The following COQ2 variants were observed in gnomAD, a reference collection of about 807,000 sequenced individuals.
COQ2 encodes the protein 4-hydroxybenzoate polyprenyltransferase, mitochondrial.
Under a neutral mutation model 35.7 loss-of-function variants are expected in COQ2, and 25 were observed. The ratio of observed to expected loss-of-function variants is 0.70; its 90% CI spans 0.51 to 0.98. The LOEUF is 0.98. COQ2 is among the 50% of genes least tolerant of loss of function. The probability of loss-of-function intolerance (pLI) is 0.00; values close to 1 mark genes in which losing one functional copy is unlikely to be tolerated. For synonymous variants in COQ2, 206 were observed against 186.2 expected (o/e 1.11, Z -0.86); for missense variants, 488 against 473.5 (o/e 1.03, Z -0.28).
intron 1 of COQ2, chr4:83,281,728 A>G (rs1260016370): frequency 6.6e-6 from 1 of 152,236 alleles, no homozygotes; most frequent in Non-Finnish European, 1.5e-5. Flanking sequence ...CAACAAGCCT[A>G]TTCGATAGGC....
intron 2 of COQ2, among the ~76,000 whole-genome samples, chr4:83,276,101 TATAC>T (rs1426901674): frequency 7.0e-6 from 1 of 143,258 alleles, no homozygotes; most frequent in Non-Finnish European, 1.5e-5. Flanking sequence ...TATTCATATA[TATAC>T]ATATAGAGTG....
chr4:83,264,431 G>A, intron 6 of COQ2, 68 bp from the exon 7 acceptor site: 2 of 1,486,900 alleles, frequency 1.3e-6, no homozygotes, highest in East Asian at 2.6e-5. Flanking sequence ...AAATAAACAT[G>A]TTAACACGGA....
chr4:83,274,436 C>A (rs1735118632), intron 2 of COQ2, among the ~76,000 whole-genome samples: 1 of 152,288 alleles, frequency 6.6e-6, no homozygotes, highest in East Asian at 1.9e-4. Flanking sequence ...CTCAAGTGAT[C>A]CACCTGCCTT....
chr4:83,268,598 C>G (rs373860927), intron 5 of COQ2, among the ~76,000 whole-genome samples: 3 of 152,278 alleles, frequency 2.0e-5, no homozygotes, highest in East Asian at 3.9e-4. Flanking sequence ...ATTATGTGAA[C>G]CACAAAAGTG....
intron 1 of COQ2, among the ~76,000 whole-genome samples, chr4:83,282,851 C>T (rs545537385): frequency 9.2e-5 from 14 of 152,294 alleles, no homozygotes; most frequent in African/African-American, 3.4e-4. Flanking sequence ...TTGCTCATAA[C>T]CCCTTTGTTG....
chr4:83,274,898 C>G (rs1735131977), intron 2 of COQ2, among the ~76,000 whole-genome samples: 1 of 152,146 alleles, frequency 6.6e-6, no homozygotes, highest in Non-Finnish European at 1.5e-5. Flanking sequence ...ATTATTCTAT[C>G]TCCAGTTCAC....
chr4:83,284,596 T>C lies in COQ2; in HGVS notation c.169A>G (p.Ser57Gly). 6.5e-7 allele frequency: 1 copy of C among 1,539,534 alleles called. No homozygotes were observed. Among genetic ancestry groups the C allele is most frequent in the Non-Finnish European group, 8.7e-7 (1 of 1,144,136 alleles). Residue 57 changes from serine to glycine, a missense_variant, in exon 1 of 7, where the codon AGT becomes GGT. By Grantham distance (56) the Ser-to-Gly change is moderately conservative. Coordinates refer to ENST00000647002, the MANE Select transcript of COQ2 (RefSeq NM_001358921.2). ...ACPEPRGRQL[S>G]LSAAAVVDSA... is the part of the protein sequence containing the mutation. ...TCCACCACCGCCGCCGCGGACAAAC[T>C]GAGCTGGCGCCCGCGCGGCTCGGGA... is the stretch of plus-strand genomic sequence containing the variant.
Position 83,284,562 on chromosome 4 carries a change from G to A in COQ2, c.203C>T (p.Pro68Leu). 3.8e-6 allele frequency: 6 copies of A among 1,567,058 alleles called. No homozygotes were observed. Among genetic ancestry groups the A allele is most frequent in the Non-Finnish European group, 5.2e-6 (6 of 1,158,106 alleles). The change falls in exon 1 of 7, where the codon CCC (proline) becomes CTC (leucine). Residue 68 changes from proline to leucine, a missense_variant. Transcript: ENST00000647002. ...LSAAAVVDSA[P>L]RPLQPYLRLM... ...GCGCAAGTACGGCTGCAGGGGGCGG[G>A]GCGCAGAGTCCACCACCGCCGCCGC...
chr4:83,267,681 T>C lies in COQ2; in HGVS notation c.856A>G (p.Met286Val). The C allele has an allele frequency of 3.8e-6, 6 of 1,564,312 alleles. No homozygotes were observed. Among genetic ancestry groups the C allele is most frequent in the Non-Finnish European group, 5.2e-6 (6 of 1,154,646 alleles). The change falls in exon 6 of 7, where the codon ATG (methionine) becomes GTG (valine). Residue 286 changes from methionine to valine, a missense_variant. Met to Val is a conservative substitution (Grantham distance 21). Coordinates refer to ENST00000647002, the MANE Select transcript of COQ2 (RefSeq NM_001358921.2). ...CCCACTAGGCTCAGTGCCCCCAGCA[T>C]TGCAACACTGAAGCCGCTGAGCCAC... The part of the protein sequence containing the change: ...KPWLSGFSVA[M>V]LGALSLVGVN...
intron 4 of COQ2, among the ~76,000 whole-genome samples, chr4:83,271,208 C>T (rs1324620763): frequency 6.6e-6 from 1 of 152,158 alleles, no homozygotes; most frequent in African/African-American, 2.4e-5. Flanking sequence ...ACCTACACCG[C>T]ACCAAGTGCT....
intron 1 of COQ2, among the ~76,000 whole-genome samples, chr4:83,282,095 A>G (rs1440874253): frequency 2.6e-5 from 4 of 152,202 alleles, no homozygotes; most frequent in African/African-American, 7.2e-5. Context: ...GAAAAACTCT[A>G]TGGGAGATGA....
chr4:83,283,581 T>G, intron 1 of COQ2: 1 of 985,498 alleles, frequency 1.0e-6, no homozygotes, highest in Non-Finnish European at 1.2e-6. Flanking sequence ...CTTTTTCCTG[T>G]AGCACTTGCT....
rs751232484 is a variant in COQ2 at position 83,284,462 on chromosome 4, C to G, written c.253+50G>C. 74 of 1,519,774 alleles carry G rather than the reference C, an allele frequency of 4.9e-5. No individual in the cohort carries two copies. The African/African-American group carries it at 7.0e-4, about 14-fold the overall frequency. 94.1% of individuals were successfully genotyped at this position (1,519,774 alleles called of 1,614,324 possible). A position where few individuals can be genotyped will look rare whatever the true frequency, so the allele number is the denominator to read the frequency against. ...CGCGGACAGCTCCGCGGAGCCGACT[C>G]GGAGGCTGCTACTTGCAAATTCCCG... On this transcript the variant is annotated intron_variant, in intron 1 of 6. Coordinates refer to ENST00000647002, the MANE Select transcript of COQ2 (RefSeq NM_001358921.2).
chr4:83,276,027 T>C (rs1735162128), intron 2 of COQ2, among the ~76,000 whole-genome samples: 1 of 23,008 alleles, frequency 4.3e-5, no homozygotes, highest in Non-Finnish European at 1.7e-4. Context: ...AATATATATT[T>C]TTATATAATA....
Position 83,267,645 on chromosome 4 carries a change from C to G in COQ2, c.892G>C (p.Gly298Arg). 1 of 1,580,964 alleles carries G rather than the reference C, an allele frequency of 6.3e-7. No homozygotes were observed. Among genetic ancestry groups the G allele is most frequent in the Non-Finnish European group, 8.6e-7 (1 of 1,163,632 alleles). ...GALSLVGVNS[G>R]QTAPYYAALG... ...GCAGCGTAGTAGGGAGCAGTCTGTCCACTGTTCACACCCACTAGGCTCAGT... is the reference window on the plus strand; with the variant it reads ...GCAGCGTAGTAGGGAGCAGTCTGTCGACTGTTCACACCCACTAGGCTCAGT... The change falls in exon 6 of 7, where the codon GGA (glycine) becomes CGA (arginine). Residue 298 changes from glycine (G) to arginine (R), a missense_variant. By Grantham distance (125) the Gly-to-Arg change is moderately radical. Coordinates refer to ENST00000647002, the MANE Select transcript of COQ2 (RefSeq NM_001358921.2).
Position 83,272,070 on chromosome 4 carries a change from A to G in COQ2, c.628+17T>C. The G allele has an allele frequency of 6.6e-7, 1 of 1,515,176 alleles. No homozygotes were observed. The highest frequency in any genetic ancestry group is 9.1e-7 in the Non-Finnish European group (1 of 1,101,326). The allele number at this position is 1,515,176 out of a possible 1,614,324, so 93.9% of individuals were successfully genotyped here. On this transcript the variant is annotated intron_variant, in intron 4 of 6. Transcript: ENST00000647002. The stretch of plus-strand genomic sequence containing the variant: ...TGCAAATATCAAAGGAAATACTTTT[A>G]GTTATTGTAAGCTCACCCAAGGCTA...
At chr4:83,283,728 T>C (rs1348379061) in intron 1 of COQ2, 7 of 985,320 alleles carry the variant, frequency 7.1e-6, no homozygotes, top group East Asian at 1.1e-4. Flanking sequence ...TAGGAACTTA[T>C]TAATTCACTT....
At chr4:83,271,664 T>G (rs1735049980) in intron 4 of COQ2, among the ~76,000 whole-genome samples, 1 of 152,010 alleles carries the variant, frequency 6.6e-6, no homozygotes, top group South Asian at 2.1e-4. Flanking sequence ...AATACAAAAA[T>G]TAGCCAGGCA....
At chr4:83,275,497 G>T (rs945702597) in intron 2 of COQ2, among the ~76,000 whole-genome samples, 10 of 151,564 alleles carry the variant, frequency 6.6e-5, no homozygotes, top group African/African-American at 2.2e-4. Context: ...TCAGTTCCAA[G>T]TCTGGGATAT....
Sources: gnomAD v4.1 joint callset for allele counts (sites outside exome capture counted in the v4.1 genomes callset) on GRCh38, gnomAD v4.1.1 for gene constraint, MANE v1.5 for transcripts, NCBI Gene and HGNC (gene_info 2026-07-23, HGNC 2026-07-21) for gene names.